The following MAP3K19 variants were observed in gnomAD, a reference collection of about 807,000 sequenced individuals.
MAP3K19 encodes the protein SPS1/STE20-related protein kinase YSK4.
MAP3K19 carries 91 observed loss-of-function variants against 114.4 expected under a neutral mutation model. That is an observed-to-expected ratio of 0.80 (90% confidence interval 0.67 to 0.95). The LOEUF is 0.95. Ranked by LOEUF, MAP3K19 falls within the 40% of genes least tolerant of loss-of-function variation. MAP3K19 has a pLI of 0.00. For synonymous variants in MAP3K19, 518 were observed against 530.5 expected (o/e 0.98, Z 0.32); for missense variants, 1,471 against 1,573.2 (o/e 0.94, Z 1.10).
chr2:134,980,781 C>A (rs916798033), intron 12 of MAP3K19, 40 bp downstream of exon 12: 2 of 1,566,716 alleles, frequency 1.3e-6, no homozygotes, highest in Middle Eastern at 1.7e-4. Context: ...CTTGGAATCT[C>A]CGGGCATTTA....
chr2:135,001,571 G>A (rs186868620), intron 6 of MAP3K19, among the ~76,000 whole-genome samples: 2 of 152,298 alleles, frequency 1.3e-5, no homozygotes, highest in African/African-American at 4.8e-5. Flanking sequence ...TAATATTTTT[G>A]TAGTTATCCT....
At chr2:134,979,443 CGTGT>C (rs59337402) in intron 12 of MAP3K19, among the ~76,000 whole-genome samples, 36,175 of 146,668 alleles carry the variant, frequency 0.25, 4,437 homozygotes, top group Middle Eastern at 0.36. Context: ...TAAAGTGCTT[CGTGT>C]GTGTGTGTGT....
At chr2:135,045,030 G>A (rs917870734) in intron 1 of MAP3K19, among the ~76,000 whole-genome samples, 5 of 152,128 alleles carry the variant, frequency 3.3e-5, no homozygotes, top group African/African-American at 1.2e-4. Flanking sequence ...GGACATCTAA[G>A]TTGTCCACTC....
At chr2:134,975,139 G>A (rs1323028907) in intron 12 of MAP3K19, among the ~76,000 whole-genome samples, 1 of 152,186 alleles carries the variant, frequency 6.6e-6, no homozygotes, top group Non-Finnish European at 1.5e-5. Flanking sequence ...ACATACATGG[G>A]CACTAGTGTT....
Position 134,987,893 on chromosome 2 carries a change from C to G in MAP3K19, c.979G>C (p.Gly327Arg). 1.9e-6 allele frequency: 3 copies of G among 1,613,982 alleles called. No homozygotes were observed. Among genetic ancestry groups the G allele is most frequent in the Non-Finnish European group, 2.5e-6 (3 of 1,180,042 alleles). The stretch of plus-strand genomic sequence containing the variant: ...TTCTCAAAAGACACCAAAGACTGCC[C>G]TTTTTCAAAGTGAGTGATTTCAATT... The part of the protein sequence containing the change: ...NKIEITHFEK[G>R]QSLVSFENLK... Residue 327 changes from glycine to arginine, a missense_variant, in exon 10 of 13, where the codon GGG (glycine) becomes CGG (arginine). By Grantham distance (125) the Gly-to-Arg change is moderately radical (BLOSUM62 -2). Transcript: ENST00000392915.
chr2:135,031,886 T>G (rs916647316), intron 2 of MAP3K19, among the ~76,000 whole-genome samples: 3 of 152,272 alleles, frequency 2.0e-5, no homozygotes, highest in Middle Eastern at 3.4e-3. Context: ...CTTTTATCTG[T>G]CTGCTGTACT....
chr2:134,993,125 C>T (rs11886003), intron 8 of MAP3K19, among the ~76,000 whole-genome samples: 33,991 of 152,048 alleles, frequency 0.22, 4,251 homozygotes, highest in Middle Eastern at 0.6. Flanking sequence ...ATCCTCCCTT[C>T]TTGGCTTCCC....
chr2:134,980,894 GGTGTGCTCCGAT>G lies in MAP3K19; in HGVS notation c.3835_3846del (p.Ile1279_His1282del). Reference sequence around the variant, plus strand: ...TCTGGTAAAGGAGGCATCAGCCCTCGGTGTGCTCCGATGTAAAACATGGCGGCCATCCTGTCC... The same window carrying G: ...TCTGGTAAAGGAGGCATCAGCCCTCGGTAAAACATGGCGGCCATCCTGTCC... On this transcript the variant is annotated inframe_deletion, in exon 12 of 13. Coordinates refer to ENST00000392915, the MANE Select transcript of MAP3K19 (RefSeq NM_025052.5). The G allele has an allele frequency of 6.2e-7, 1 of 1,614,196 alleles. No individual in the cohort carries two copies. Among genetic ancestry groups the G allele is most frequent in the South Asian group, 1.1e-5 (1 of 91,086 alleles).
intron 10 of MAP3K19, among the ~76,000 whole-genome samples, chr2:134,984,286 G>A (rs1305665773): frequency 6.6e-6 from 1 of 151,988 alleles, no homozygotes; most frequent in Non-Finnish European, 1.5e-5. Flanking sequence ...CACAGAGCTG[G>A]ACACACACAT....
chr2:134,984,269 A>G (rs114318928), intron 10 of MAP3K19, among the ~76,000 whole-genome samples: 29 of 152,296 alleles, frequency 1.9e-4, no homozygotes, highest in Middle Eastern at 3.4e-3. Flanking sequence ...TCAGAAAGAG[A>G]AACATACACA....
chr2:135,025,689 A>C (rs1688235699), intron 3 of MAP3K19, among the ~76,000 whole-genome samples: 1 of 152,114 alleles, frequency 6.6e-6, no homozygotes. Context: ...CCCAGCCCCC[A>C]CATGGCCTTT....
chr2:135,032,262 C>A (rs1688398557), intron 2 of MAP3K19, among the ~76,000 whole-genome samples: 1 of 149,922 alleles, frequency 6.7e-6, no homozygotes, highest in African/African-American at 2.5e-5. Context: ...GAGGCTGAGG[C>A]AGGAGAATTG....
At position 134,987,766 on chromosome 2, in the gene MAP3K19, G is replaced by A. The variant is rs1009778569; in HGVS notation, c.1106C>T (p.Ser369Leu). 1.2e-6 allele frequency: 2 copies of A among 1,608,210 alleles called. No homozygotes were observed. The highest frequency in any genetic ancestry group is 2.2e-5 in the East Asian group (1 of 44,870). ...GGCTACTGAACTCTCATTCTTTCTT[G>A]ATGAAAGATATTGAGAGTTCTCTTC... The part of the protein sequence containing the change: ...PEEENSQYLS[S>L]RKNESSVAKN... Residue 369 changes from serine to leucine, a missense_variant, in exon 10 of 13, where the codon TCA becomes TTA. Physicochemically the swap from Ser to Leu is moderately radical, Grantham distance 145 (BLOSUM62 -2). Transcript: ENST00000392915.
chr2:134,973,814 T>C (rs563734648), intron 12 of MAP3K19, among the ~76,000 whole-genome samples: 1 of 152,342 alleles, frequency 6.6e-6, no homozygotes, highest in Admixed American at 6.5e-5. Flanking sequence ...ATGATAGATA[T>C]GACCTTTCAC....
At chr2:135,024,525 G>T in intron 4 of MAP3K19, 101 bp downstream of exon 4, 2 of 1,103,018 alleles carry the variant, frequency 1.8e-6, no homozygotes, top group South Asian at 1.3e-5. Context: ...CCGTGGACTT[G>T]ATTTCTTTAA....
intron 5 of MAP3K19, among the ~76,000 whole-genome samples, chr2:135,013,507 A>C (rs1364435341): frequency 6.6e-6 from 1 of 152,180 alleles, no homozygotes; most frequent in African/African-American, 2.4e-5. Flanking sequence ...CAAATGTATA[A>C]TGACCTGTAT....
At chr2:135,012,706 T>C (rs1687313055) in intron 5 of MAP3K19, among the ~76,000 whole-genome samples, 1 of 152,230 alleles carries the variant, frequency 6.6e-6, no homozygotes, top group Non-Finnish European at 1.5e-5. Context: ...ATGCTGTCTC[T>C]TGATTCATCA....
chr2:134,965,925 A>G (rs2105118930), intron 12 of MAP3K19, among the ~76,000 whole-genome samples: 1 of 152,152 alleles, frequency 6.6e-6, no homozygotes, highest in South Asian at 2.1e-4. Context: ...CTATCATTCT[A>G]CTCTCTACTT....
intron 12 of MAP3K19, among the ~76,000 whole-genome samples, chr2:134,976,099 C>G (rs1443358977): frequency 6.6e-6 from 1 of 152,188 alleles, no homozygotes; most frequent in Non-Finnish European, 1.5e-5. Context: ...TGGCATCACA[C>G]TGCTGCAGCC....
Sources: allele counts gnomAD v4.1 joint callset (sites outside exome capture counted in the v4.1 genomes callset), GRCh38; gene constraint gnomAD v4.1.1; transcripts MANE v1.5; gene names NCBI Gene and HGNC (gene_info 2026-07-23, HGNC 2026-07-21).